PTPN11: variants seen among roughly 807,000 people sequenced by gnomAD.
PTPN11 encodes protein tyrosine phosphatase non-receptor type 11, also known as tyrosine-protein phosphatase non-receptor type 11.
Under a neutral mutation model 78.8 loss-of-function variants are expected in PTPN11, and 6 were observed. That is an observed-to-expected ratio of 0.08 (90% CI 0.04 to 0.15). The LOEUF (loss-of-function observed/expected upper bound fraction) is 0.15. PTPN11 is among the 10% of genes least tolerant of loss of function. The probability of loss-of-function intolerance (pLI) is 1.00; values close to 1 mark genes in which losing one functional copy is unlikely to be tolerated. For missense variants in PTPN11, 386 were observed against 744.8 expected (o/e 0.52, Z 5.61); for synonymous variants, 221 against 263.5 (o/e 0.84, Z 1.56).
intron 1 of PTPN11, among the ~76,000 whole-genome samples, chr12:112,425,779 AG>A (rs1482463706): frequency 3.3e-5 from 5 of 152,120 alleles, no homozygotes; most frequent in Non-Finnish European, 7.4e-5. Flanking sequence ...CCCAGGCTGG[AG>A]GGCAATGTTG....
intron 6 of PTPN11, among the ~76,000 whole-genome samples, chr12:112,471,592 T>C (rs11066321): frequency 0.039 from 5,930 of 152,130 alleles, 263 homozygotes; most frequent in African/African-American, 0.11. Context: ...TTTCATTCTT[T>C]ATAATTGTTA....
chr12:112,452,387 C>T (rs895268385), intron 3 of PTPN11, among the ~76,000 whole-genome samples: 11 of 151,928 alleles, frequency 7.2e-5, no homozygotes, highest in African/African-American at 2.7e-4. Context: ...CCACCACACC[C>T]GGCCAATTTT....
At chr12:112,440,041 A>T (rs558834891) in intron 1 of PTPN11, among the ~76,000 whole-genome samples, 17 of 152,296 alleles carry the variant, frequency 1.1e-4, no homozygotes, top group African/African-American at 3.8e-4. Context: ...GAGTTTCATT[A>T]TACCTTTTTG....
intron 14 of PTPN11, among the ~76,000 whole-genome samples, chr12:112,503,329 C>T (rs912656355): frequency 3.3e-5 from 5 of 152,078 alleles, no homozygotes; most frequent in African/African-American, 7.2e-5. Flanking sequence ...TCTATATATT[C>T]GAAAGTCACT....
intron 2 of PTPN11, 81 bp downstream of exon 2, chr12:112,446,479 C>A: frequency 1.3e-6 from 2 of 1,599,188 alleles, no homozygotes; most frequent in Non-Finnish European, 1.7e-6. Context: ...TAGCTTGCTG[C>A]CTGCATTTCG....
chr12:112,421,260 T>C (rs1464627470), intron 1 of PTPN11, among the ~76,000 whole-genome samples: 2 of 152,262 alleles, frequency 1.3e-5, no homozygotes, highest in Non-Finnish European at 2.9e-5. Context: ...ATAAATGACA[T>C]GCAATTAATT....
chr12:112,492,387 A>T (rs1002559068), intron 13 of PTPN11, among the ~76,000 whole-genome samples: 4 of 148,926 alleles, frequency 2.7e-5, no homozygotes, highest in Admixed American at 2.0e-4. Flanking sequence ...TTTTTGCTAC[A>T]TTTTTTTTTT....
intron 13 of PTPN11, among the ~76,000 whole-genome samples, chr12:112,491,747 C>T (rs1453207707): frequency 6.6e-6 from 1 of 152,074 alleles, no homozygotes; most frequent in Non-Finnish European, 1.5e-5. Flanking sequence ...CTTTGTTGCC[C>T]AGGTTGGAGT....
chr12:112,490,503 C>T (rs115822283), intron 13 of PTPN11, among the ~76,000 whole-genome samples: 167 of 152,178 alleles, frequency 1.1e-3, no homozygotes, highest in African/African-American at 3.7e-3. Flanking sequence ...GTCACAGTTT[C>T]GCCATGTTGC....
intron 5 of PTPN11, 198 bp downstream of exon 5, chr12:112,454,878 G>A (rs2038132393): frequency 6.5e-6 from 4 of 613,680 alleles, no homozygotes; most frequent in East Asian, 6.3e-5. Context: ...GGAGTACAGT[G>A]TTGCAATCTT....
intron 13 of PTPN11, among the ~76,000 whole-genome samples, chr12:112,494,062 G>A (rs1485468904): frequency 6.6e-6 from 1 of 152,148 alleles, no homozygotes; most frequent in Non-Finnish European, 1.5e-5. Context: ...AGACCAGCCT[G>A]GCCAACATGG....
chr12:112,502,746 A>AAAAATAAAAT (rs916788571), intron 14 of PTPN11, among the ~76,000 whole-genome samples: 3 of 152,150 alleles, frequency 2.0e-5, no homozygotes, highest in African/African-American at 4.8e-5. Context: ...GCCTCTGTCT[A>AAAAATAAAAT]AAAATAAAAT....
At chr12:112,428,654 A>G (rs547405961) in intron 1 of PTPN11, among the ~76,000 whole-genome samples, 2 of 152,152 alleles carry the variant, frequency 1.3e-5, no homozygotes, top group East Asian at 3.9e-4. Flanking sequence ...ACTTTTGGAA[A>G]AAAAAAAGCT....
chr12:112,491,917 G>A (rs1408212389), intron 13 of PTPN11, among the ~76,000 whole-genome samples: 1 of 152,122 alleles, frequency 6.6e-6, no homozygotes, highest in African/African-American at 2.4e-5. Context: ...GTGTTGCCCC[G>A]GCTGGCCTTG....
chr12:112,466,837 G>A (rs920131342), intron 6 of PTPN11, among the ~76,000 whole-genome samples: 5 of 152,158 alleles, frequency 3.3e-5, no homozygotes, highest in Non-Finnish European at 7.4e-5. Flanking sequence ...AGGCGAAATG[G>A]TCATTAGGGC....
At chr12:112,471,572 C>A (rs1210694318) in intron 6 of PTPN11, among the ~76,000 whole-genome samples, 1 of 151,282 alleles carries the variant, frequency 6.6e-6, no homozygotes. Context: ...CTACGCCAAT[C>A]CTTGTTGGGT....
At position 112,482,302 on chromosome 12, in the gene PTPN11, A is replaced by G; in HGVS notation, c.1224+97A>G. 1 of 1,381,554 alleles carries G rather than the reference A, an allele frequency of 7.2e-7. No individual in the cohort carries two copies. The highest frequency in any genetic ancestry group is 1.0e-6 in the Non-Finnish European group (1 of 975,118). The allele number at this position is 1,381,554 out of a possible 1,614,324, so 85.6% of individuals were successfully genotyped here. On this transcript the variant is annotated intron_variant, in intron 10 of 15. Transcript: ENST00000351677. The surrounding 1 kb of genome is among the most constrained non-coding windows in gnomAD (Gnocchi z 4.4). ...TACTCATGTTTGCATACATGCATGC[A>G]TTCGCTCACTCATTGATTCAGTAGC...
At chr12:112,453,150 A>T (rs867365325) in intron 3 of PTPN11, 45 bp from the exon 4 acceptor site, 1 of 1,523,370 alleles carries the variant, frequency 6.6e-7, no homozygotes, top group African/African-American at 1.4e-5. Flanking sequence ...AACAACATGA[A>T]CCCATAGTAG....
At position 112,418,951 on chromosome 12, in the gene PTPN11, T is replaced by C; in HGVS notation, c.-161T>C. The C allele has an allele frequency of 1.2e-6, 1 of 848,358 alleles. No individual in the cohort carries two copies. Among genetic ancestry groups the C allele is most frequent in the Non-Finnish European group, 1.9e-6 (1 of 538,650 alleles). The allele number at this position is 848,358 out of a possible 1,614,324, so 52.6% of individuals were successfully genotyped here. The stretch of plus-strand genomic sequence containing the variant: ...CGGGCCGGGGGGCAGCTGCACAGTC[T>C]CCGGGATCCCCAGGCCTGGAGGGGG... On this transcript the variant is annotated 5_prime_UTR_variant, in exon 1 of 16. Transcript: ENST00000351677.
Sources: gnomAD v4.1 joint callset for allele counts (sites outside exome capture counted in the v4.1 genomes callset) on GRCh38, gnomAD v4.1.1 for gene constraint, Gnocchi (gnomAD v3.1) non-coding constraint, MANE v1.5 for transcripts, NCBI Gene and HGNC (gene_info 2026-07-23, HGNC 2026-07-21) for gene names.